The following ZKSCAN8 variants were observed in gnomAD, a reference collection of about 807,000 sequenced individuals.
ZKSCAN8 encodes the protein zinc finger with KRAB and SCAN domains 8, also known as zinc finger protein with KRAB and SCAN domains 8.
In ZKSCAN8, 27 loss-of-function variants were observed where a neutral mutation model predicts 57.2. That is an observed-to-expected ratio of 0.47 (90% confidence interval 0.35 to 0.65). The LOEUF is 0.65. ZKSCAN8 is among the 30% of genes least tolerant of loss of function. ZKSCAN8 has a pLI of 0.01. For missense variants in ZKSCAN8, 597 were observed against 696.3 expected, an observed-to-expected ratio of 0.86 and a Z score of 1.60; for synonymous variants, 214 against 248.7, an observed-to-expected ratio of 0.86 and a Z score of 1.31.
rs1219749807 is a variant in ZKSCAN8 at position 28,158,354 on chromosome 6, GA to G, written c.*4339del. ...TTGTTTATACCTACTATTTGTATTC[GA>G]ATGACTTCATTTTTCCCACCCTGTG... On this transcript the variant is annotated 3_prime_UTR_variant, in exon 6 of 6. Coordinates refer to ENST00000330236, the MANE Select transcript of ZKSCAN8 (RefSeq NM_006298.4). The G allele has an allele frequency of 6.6e-6, 1 of 151,372 alleles. No homozygotes were observed. The highest frequency in any genetic ancestry group is 1.5e-5 in the Non-Finnish European group (1 of 67,914). 9.4% of individuals were successfully genotyped at this position (151,372 alleles called of 1,614,324 possible).
intron 2 of ZKSCAN8, among the ~76,000 whole-genome samples, 195 bp downstream of exon 2, chr6:28,149,019 C>T (rs534905351): frequency 3.3e-5 from 5 of 152,208 alleles, no homozygotes; most frequent in South Asian, 2.1e-4. Context: ...TTGTTTTTGT[C>T]GTCATAACAT....
Position 28,148,725 on chromosome 6 carries a change from G to A in ZKSCAN8, c.318G>A (p.Glu106=). 6.2e-7 allele frequency: 1 copy of A among 1,614,208 alleles called. No homozygotes were observed. The highest frequency in any genetic ancestry group is 8.5e-7 in the Non-Finnish European group (1 of 1,180,038). ...AGTTCTTGACCATCCTACCTGAGGAGCTCCAGACACTGGTTAAGGAACATC... is the reference window on the plus strand; with the variant it reads ...AGTTCTTGACCATCCTACCTGAGGAACTCCAGACACTGGTTAAGGAACATC... The part of the protein sequence containing the change: ...LEQFLTILPE[E]LQTLVKEHQL... The change falls in exon 2 of 6, where the codon GAG becomes GAA. Residue 106 remains glutamate (E), a synonymous_variant. Coordinates refer to ENST00000330236, the MANE Select transcript of ZKSCAN8 (RefSeq NM_006298.4).
chr6:28,148,358 G>T lies in ZKSCAN8; in HGVS notation c.-50G>T, dbSNP rs751761827. 6 of 1,555,496 alleles carry T rather than the reference G, an allele frequency of 3.9e-6. No homozygotes were observed. Among genetic ancestry groups the T allele is most frequent in the Non-Finnish European group, 5.2e-6 (6 of 1,151,256 alleles). On this transcript the variant is annotated 5_prime_UTR_variant, in exon 2 of 6. Coordinates refer to ENST00000330236, the MANE Select transcript of ZKSCAN8 (RefSeq NM_006298.4). ...GGCCCTCAGAAGAGTCTTCTCTTAA[G>T]AAGATAAAGAAGGTAGTGGAAACGA...
chr6:28,146,248 A>G (rs971736154), intron 1 of ZKSCAN8, among the ~76,000 whole-genome samples: 2 of 152,210 alleles, frequency 1.3e-5, no homozygotes, highest in African/African-American at 4.8e-5. Flanking sequence ...ACCTTTGCCC[A>G]TGGGGAAAAT....
Position 28,156,728 on chromosome 6 carries a change from A to G in ZKSCAN8, c.*2711A>G, listed in dbSNP as rs1463755422. 6.6e-6 allele frequency: 1 copy of G among 152,270 alleles called. No individual in the cohort carries two copies. Among genetic ancestry groups the G allele is most frequent in the Non-Finnish European group, 1.5e-5 (1 of 68,078 alleles). 9.4% of individuals were successfully genotyped at this position (152,270 alleles called of 1,614,324 possible). Reference sequence around the variant, plus strand: ...TCTTTATGTTCATCTGAAATGAACTATTCATCAGTACTTTCTCCTCCCATC... The same window carrying G: ...TCTTTATGTTCATCTGAAATGAACTGTTCATCAGTACTTTCTCCTCCCATC... On this transcript the variant is annotated 3_prime_UTR_variant, in exon 6 of 6. Transcript: ENST00000330236.
In ZKSCAN8 at chr6:28,155,805, A is replaced by G. The variant is rs761128935; in HGVS notation, c.*1788A>G. 2.3e-5 allele frequency: 5 copies of G among 216,952 alleles called. No individual in the cohort carries two copies. Among genetic ancestry groups the G allele is most frequent in the Non-Finnish European group, 4.5e-5 (5 of 110,934 alleles). 13.4% of individuals were successfully genotyped at this position (216,952 alleles called of 1,614,324 possible). A position where few individuals can be genotyped will look rare whatever the true frequency, so the allele number is the denominator to read the frequency against. On this transcript the variant is annotated 3_prime_UTR_variant, in exon 6 of 6. Transcript: ENST00000330236. ...TTCCTTCTCTGCCTCTCTATGGCCC[A>G]CTTTGACCACTAACAACATCAGAAT...
rs1765615480 is a variant in ZKSCAN8, at chr6:28,152,283, T to C, written c.674T>C (p.Met225Thr). The C allele has an allele frequency of 1.2e-6, 2 of 1,612,142 alleles. No individual in the cohort carries two copies. Among genetic ancestry groups the C allele is most frequent in the South Asian group, 2.2e-5 (2 of 90,720 alleles). ...CAGACTTTGGAGAAGATTGAAGACA[T>C]GGCTGTGTCCCTTATTCGAGAGGAG... ...GFQTLEKIEDMAVSLIREEWL... is the reference protein window; with the variant it reads ...GFQTLEKIEDTAVSLIREEWL... Residue 225 changes from methionine to threonine, a missense_variant, in exon 5 of 6, where the codon ATG becomes ACG. Met to Thr is a moderately conservative substitution (Grantham distance 81). Transcript: ENST00000330236.
intron 5 of ZKSCAN8, among the ~76,000 whole-genome samples, chr6:28,152,619 C>G (rs903422483): frequency 6.6e-6 from 1 of 152,160 alleles, no homozygotes; most frequent in Non-Finnish European, 1.5e-5. Context: ...AAATTGACAT[C>G]TCAGAGGTGC....
chr6:28,143,748 A>G (rs1765296453), intron 1 of ZKSCAN8, among the ~76,000 whole-genome samples: 1 of 152,214 alleles, frequency 6.6e-6, no homozygotes, highest in African/African-American at 2.4e-5. Context: ...TGTCCCATGT[A>G]TTGACCTTTA....
intron 3 of ZKSCAN8, 32 bp downstream of exon 3, chr6:28,149,656 G>A: frequency 6.2e-7 from 1 of 1,610,248 alleles, no homozygotes; most frequent in African/African-American, 1.3e-5. Context: ...ATGATAAGGG[G>A]GGGAAGTACA....
At chr6:28,145,982 A>T (rs1765379998) in intron 1 of ZKSCAN8, among the ~76,000 whole-genome samples, 1 of 152,228 alleles carries the variant, frequency 6.6e-6, no homozygotes, top group South Asian at 2.1e-4. Flanking sequence ...AGTAGGCAAT[A>T]TTGTGGAACA....
Position 28,148,536 on chromosome 6 carries a change from C to A in ZKSCAN8, c.129C>A (p.Asn43Lys). 2.5e-6 allele frequency: 4 copies of A among 1,614,108 alleles called. No homozygotes were observed. Among genetic ancestry groups the A allele is most frequent in the South Asian group, 1.1e-5 (1 of 91,066 alleles). The change falls in exon 2 of 6, where the codon AAC becomes AAA. Residue 43 changes from asparagine to lysine, a missense_variant. Asn to Lys is a moderately conservative substitution (Grantham distance 94). Transcript: ENST00000330236. ...WDQESSLHESNPLGQEVFRLR... is the reference protein window; with the variant it reads ...WDQESSLHESKPLGQEVFRLR... Reference sequence around the variant, plus strand: ...AGGAATCTAGTCTGCATGAAAGTAACCCTCTTGGCCAAGAAGTGTTCCGCC... The same window carrying A: ...AGGAATCTAGTCTGCATGAAAGTAAACCTCTTGGCCAAGAAGTGTTCCGCC...
Position 28,157,396 on chromosome 6 carries a change from T to G in ZKSCAN8, c.*3379T>G, listed in dbSNP as rs1765819231. On this transcript the variant is annotated 3_prime_UTR_variant, in exon 6 of 6. Transcript: ENST00000330236. ...CCAAACCATATCAATAGGTATTATT[T>G]TATCCCCCATTTTATAAATGAGGAA... is the stretch of plus-strand genomic sequence containing the variant. 6.6e-6 allele frequency: 1 copy of G among 152,190 alleles called. No homozygotes were observed. 9.4% of individuals were successfully genotyped at this position (152,190 alleles called of 1,614,324 possible).
At chr6:28,152,115 C>T in intron 4 of ZKSCAN8, 146 bp from the exon 5 acceptor site, 1 of 1,389,502 alleles carries the variant, frequency 7.2e-7, no homozygotes, top group Non-Finnish European at 9.8e-7. Flanking sequence ...CATGCATTTT[C>T]CTCTTCTTCC....
chr6:28,150,909 C>T (rs910845769), intron 3 of ZKSCAN8, among the ~76,000 whole-genome samples: 1 of 152,108 alleles, frequency 6.6e-6, no homozygotes, highest in African/African-American at 2.4e-5. Flanking sequence ...CGGGTTCCAG[C>T]GATTCTTAAT....
At chr6:28,151,715 C>T (rs775408219) in intron 3 of ZKSCAN8, 130 bp from the exon 4 acceptor site, 1 of 703,256 alleles carries the variant, frequency 1.4e-6, no homozygotes, top group Non-Finnish European at 2.5e-6. Flanking sequence ...AAGATATCAG[C>T]ACTTCATGTG....
chr6:28,150,467 T>C (rs193093803), intron 3 of ZKSCAN8, among the ~76,000 whole-genome samples: 1 of 152,312 alleles, frequency 6.6e-6, no homozygotes, highest in Admixed American at 6.5e-5. Flanking sequence ...ATGACTTGGT[T>C]AAGGTTATTC....
chr6:28,150,308 T>G (rs2113588722), intron 3 of ZKSCAN8, among the ~76,000 whole-genome samples: 1 of 152,216 alleles, frequency 6.6e-6, no homozygotes, highest in Non-Finnish European at 1.5e-5. Flanking sequence ...TTGCGTGATG[T>G]TTGATCATGT....
Position 28,149,520 on chromosome 6 carries a change from AG to A in ZKSCAN8, c.457del (p.Glu153ArgfsTer2). 2 of 1,614,094 alleles carry A rather than the reference AG, an allele frequency of 1.2e-6. No individual in the cohort carries two copies. Among genetic ancestry groups the A allele is most frequent in the Non-Finnish European group, 1.7e-6 (2 of 1,180,012 alleles). The part of the protein sequence containing the change: ...ARVHGHRVLW[E>X]EVVHSASAPE... ...GTACATGGACATAGGGTACTCTGGG[AG>A]GAGGTAGTACATTCAGCATCTGCAC... is the stretch of plus-strand genomic sequence containing the variant. On this transcript the variant is annotated frameshift_variant, in exon 3 of 6. Transcript: ENST00000330236. LOFTEE classifies it high-confidence loss of function.
Sources: gnomAD v4.1 joint callset for allele counts (sites outside exome capture counted in the v4.1 genomes callset) on GRCh38, gnomAD v4.1.1 for gene constraint, MANE v1.5 for transcripts, NCBI Gene and HGNC (gene_info 2026-07-23, HGNC 2026-07-21) for gene names.